GPHN: variants seen among roughly 807,000 people sequenced by gnomAD.
The protein encoded by GPHN is gephyrin.
In GPHN, 17 loss-of-function variants were observed where a neutral mutation model predicts 95.5. The ratio of observed to expected loss-of-function variants is 0.18; its 90% CI spans 0.12 to 0.27. GPHN has a LOEUF of 0.27. Ranked by LOEUF, GPHN falls within the 10% of genes least tolerant of loss-of-function variation. The pLI is 1.00. For missense variants in GPHN, 660 were observed against 978.1 expected (o/e 0.67, Z 4.34); for synonymous variants, 320 against 322.5 (o/e 0.99, Z 0.08).
chr14:67,552,495 C>T, the GPHN span, among the ~76,000 whole-genome samples: 12 of 152,258 alleles, frequency 7.9e-5, no homozygotes, highest in African/African-American at 2.2e-4. Context: ...TGGCTGGGTG[C>T]GGTGGCTCAC....
chr14:67,632,629 T>C, the GPHN span, among the ~76,000 whole-genome samples: 1 of 152,126 alleles, frequency 6.6e-6, no homozygotes, highest in Admixed American at 6.6e-5. Flanking sequence ...TGTTTGCATC[T>C]CCAGGAGATG....
At chr14:67,022,609 T>G (rs1446172184) in intron 9 of GPHN, among the ~76,000 whole-genome samples, 16 of 137,322 alleles carry the variant, frequency 1.2e-4, no homozygotes, top group African/African-American at 4.6e-4. Context: ...GTGTGTGTAT[T>G]TTTCTTGTAT....
intron 9 of GPHN, among the ~76,000 whole-genome samples, chr14:66,989,896 T>C (rs7155702): frequency 0.024 from 3,693 of 152,248 alleles, 134 homozygotes; most frequent in African/African-American, 0.083. Context: ...ATGAAGTAAA[T>C]TGGCATTCGG....
chr14:66,733,519 C>G (rs1027274541), intron 2 of GPHN, among the ~76,000 whole-genome samples: 4 of 152,064 alleles, frequency 2.6e-5, no homozygotes, highest in African/African-American at 9.7e-5. Flanking sequence ...CTAATTTTCA[C>G]TCAGTTTTAA....
intron 1 of GPHN, among the ~76,000 whole-genome samples, chr14:66,530,219 G>A (rs114118738): frequency 1.3e-5 from 2 of 152,272 alleles, no homozygotes; most frequent in African/African-American, 2.4e-5. Context: ...CGACGGGTTG[G>A]AACTTCCCTG....
the GPHN span, among the ~76,000 whole-genome samples, chr14:67,382,892 T>TGTAC: frequency 6.8e-6 from 1 of 147,952 alleles, no homozygotes; most frequent in East Asian, 2.1e-4. Context: ...AAGAAGTGTG[T>TGTAC]GTACGTGCGT....
chr14:67,105,763 C>CT (rs201499766), intron 13 of GPHN, among the ~76,000 whole-genome samples: 1,845 of 150,984 alleles, frequency 0.012, 18 homozygotes, highest in Non-Finnish European at 0.018. Context: ...TAGTTGGGTT[C>CT]TTTTTTTTTA....
chr14:66,885,713 A>G (rs901204536), intron 5 of GPHN, among the ~76,000 whole-genome samples: 10 of 152,118 alleles, frequency 6.6e-5, no homozygotes, highest in African/African-American at 2.4e-4. Context: ...AAAGGCAGCT[A>G]CATATATGGG....
the GPHN span, chr14:67,387,203 G>T: frequency 1.2e-6 from 1 of 828,374 alleles, no homozygotes; most frequent in Non-Finnish European, 1.8e-6. Context: ...ACTCTTGGCA[G>T]CATTCACTCT....
At chr14:66,663,628 A>G (rs4644792) in intron 1 of GPHN, among the ~76,000 whole-genome samples, 1 of 152,050 alleles carries the variant, frequency 6.6e-6, no homozygotes, top group Non-Finnish European at 1.5e-5. Flanking sequence ...AAATCTGCAC[A>G]TAACAATACT....
intron 2 of GPHN, among the ~76,000 whole-genome samples, chr14:66,766,236 A>G (rs1442502904): frequency 6.6e-6 from 1 of 152,158 alleles, no homozygotes; most frequent in Non-Finnish European, 1.5e-5. Flanking sequence ...ATTCCAGGAA[A>G]TTCATCAATA....
the GPHN span, chr14:67,349,104 G>A: frequency 3.7e-6 from 6 of 1,613,636 alleles, no homozygotes; most frequent in Middle Eastern, 1.6e-4. Flanking sequence ...TAACTGTAGT[G>A]CTGCAGAAAA....
chr14:67,000,151 T>C (rs1371249973), intron 9 of GPHN, among the ~76,000 whole-genome samples: 1 of 151,816 alleles, frequency 6.6e-6, no homozygotes, highest in Non-Finnish European at 1.5e-5. Context: ...AGTTGCCCTT[T>C]GAACTCTTAG....
chr14:67,261,972 T>G, the GPHN span, among the ~76,000 whole-genome samples: 4 of 152,152 alleles, frequency 2.6e-5, no homozygotes, highest in Admixed American at 2.6e-4. Flanking sequence ...GAAGGAAGCA[T>G]GTAGTCAGCA....
the GPHN span, chr14:67,380,537 A>G: frequency 2.2e-6 from 1 of 445,604 alleles, no homozygotes; most frequent in Non-Finnish European, 4.0e-6. Flanking sequence ...TAAAGCCTTA[A>G]CTATTATATG....
In GPHN at chr14:67,110,179, A is replaced by C. The variant is rs1595179146; in HGVS notation, c.1333A>C (p.Thr445Pro). 6.2e-7 allele frequency: 1 copy of C among 1,612,732 alleles called. No homozygotes were observed. Among genetic ancestry groups the C allele is most frequent in the Admixed American group, 1.7e-5 (1 of 60,016 alleles). ...AATGCCAGGACAAGTCATGCGGGTT[A>C]CAACAGGTGCTCCAATACCCTGCGG... ...TVMPGQVMRV[T>P]TGAPIPCGAD... Residue 445 changes from threonine (T) to proline (P), a missense_variant, in exon 14 of 23, where the codon ACA (threonine) becomes CCA (proline). Coordinates refer to ENST00000478722, the MANE Select transcript of GPHN (RefSeq NM_020806.5).
the GPHN span, among the ~76,000 whole-genome samples, chr14:67,235,842 A>G: frequency 4.6e-5 from 7 of 152,148 alleles, no homozygotes; most frequent in African/African-American, 1.7e-4. Flanking sequence ...TGAATATCCT[A>G]CCCTGAGGCT....
chr14:67,442,488 T>G, the GPHN span, among the ~76,000 whole-genome samples: 111 of 152,296 alleles, frequency 7.3e-4, no homozygotes, highest in African/African-American at 2.6e-3. Flanking sequence ...GAAGCAGGCC[T>G]AAGATAAGGA....
chr14:66,777,627 G>A (rs1175286470), intron 3 of GPHN, among the ~76,000 whole-genome samples: 1 of 152,112 alleles, frequency 6.6e-6, no homozygotes, highest in Non-Finnish European at 1.5e-5. Flanking sequence ...TATCCACCAC[G>A]ATCAAGTGGG....
Sources: gnomAD v4.1 joint callset for allele counts (sites outside exome capture counted in the v4.1 genomes callset) on GRCh38, gnomAD v4.1.1 for gene constraint, MANE v1.5 for transcripts, NCBI Gene and HGNC (gene_info 2026-07-23, HGNC 2026-07-21) for gene names.